AGL: variants seen among roughly 807,000 people sequenced by gnomAD.
AGL encodes the protein glycogen debranching enzyme.
AGL carries 128 observed loss-of-function variants against 199.3 expected under a neutral mutation model. The ratio of observed to expected loss-of-function variants is 0.64; its 90% CI spans 0.56 to 0.74. AGL has a LOEUF of 0.74. Among genes scored for constraint, AGL ranks in the 30% least tolerant of loss-of-function variants. AGL has a pLI of 0.00. For missense variants in AGL, 1,809 were observed against 1,820.8 expected, an observed-to-expected ratio of 0.99 and a Z score of 0.12; for synonymous variants, 584 against 594.7, an observed-to-expected ratio of 0.98 and a Z score of 0.26.
intron 7 of AGL, 178 bp from the exon 8 acceptor site, chr1:99,874,499 GCGTGCACGCA>G (rs200001489): frequency 4.1e-4 from 243 of 586,030 alleles, no homozygotes; most frequent in Admixed American, 2.1e-3. Flanking sequence ...GTGTGTTTGC[GCGTGCACGCA>G]CGTGCACACA....
chr1:99,861,259 TC>T, intron 2 of AGL: 1 of 1,356,932 alleles, frequency 7.4e-7, no homozygotes, highest in Non-Finnish European at 9.5e-7. Context: ...GGAATGCGTT[TC>T]CAGGGGAAGG....
At chr1:99,892,205 C>G (rs1343230279) in intron 23 of AGL, among the ~76,000 whole-genome samples, 1 of 152,140 alleles carries the variant, frequency 6.6e-6, no homozygotes, top group African/African-American at 2.4e-5. Flanking sequence ...AACAAACTTT[C>G]ATTTCTACCA....
At chr1:99,851,772 A>C (rs1648969110) in intron 2 of AGL, among the ~76,000 whole-genome samples, 1 of 152,226 alleles carries the variant, frequency 6.6e-6, no homozygotes, top group Non-Finnish European at 1.5e-5. Context: ...TAATTTTTCA[A>C]CATTGAAGAA....
At chr1:99,921,387 G>A in intron 33 of AGL, 147 bp from the exon 34 acceptor site, 1 of 659,744 alleles carries the variant, frequency 1.5e-6, no homozygotes, top group Non-Finnish European at 2.7e-6. Context: ...AAATTCATTT[G>A]TATGTCTTTA....
chr1:99,901,578 G>A (rs1023326691), intron 26 of AGL, among the ~76,000 whole-genome samples: 3 of 152,168 alleles, frequency 2.0e-5, no homozygotes, highest in African/African-American at 7.2e-5. Context: ...ATTATGGAAA[G>A]GGTGAGCCAG....
intron 2 of AGL, among the ~76,000 whole-genome samples, chr1:99,853,204 T>G (rs1649123636): frequency 6.6e-6 from 1 of 152,222 alleles, no homozygotes; most frequent in Admixed American, 6.5e-5. Context: ...TACCTCTGTC[T>G]GACTTCTAAG....
chr1:99,886,027 A>C (rs1652423589), intron 20 of AGL, among the ~76,000 whole-genome samples: 1 of 152,188 alleles, frequency 6.6e-6, no homozygotes. Context: ...TTTTCTCCAG[A>C]AAGATTATAA....
rs537414593 is a variant in AGL, at chr1:99,888,502, A to G, written c.2812+394A>G. Among the ~76,000 whole-genome samples, 9 of 152,300 alleles carry G rather than the reference A, an allele frequency of 5.9e-5. No individual in the cohort carries two copies. The East Asian group carries it at 1.7e-3, about 29-fold the overall frequency. ...AATGTTTCTTGACCTGGTTTATTATATAATAAACAGAATATTCTTGTTTGG... is the reference window on the plus strand; with the variant it reads ...AATGTTTCTTGACCTGGTTTATTATGTAATAAACAGAATATTCTTGTTTGG... On this transcript the variant is annotated intron_variant, in intron 21 of 33. Transcript: ENST00000361915.
At position 99,900,629 on chromosome 1, in the gene AGL, G is replaced by A; in HGVS notation, c.3363-7G>A. On this transcript the variant is annotated splice_polypyrimidine_tract_variant and splice_region_variant and intron_variant, in intron 25 of 33. Coordinates refer to ENST00000361915, the MANE Select transcript of AGL (RefSeq NM_000642.3). ...CATTTCTGATCCACTTAATTCTGTTGTTTTAGGAATATTATTTTAGCATTT... is the reference window on the plus strand; with the variant it reads ...CATTTCTGATCCACTTAATTCTGTTATTTTAGGAATATTATTTTAGCATTT... 2.5e-6 allele frequency: 4 copies of A among 1,610,792 alleles called. No homozygotes were observed. The highest frequency in any genetic ancestry group is 3.4e-6 in the Non-Finnish European group (4 of 1,177,002).
chr1:99,873,462 T>G (rs982397612), intron 7 of AGL, among the ~76,000 whole-genome samples: 5 of 151,342 alleles, frequency 3.3e-5, no homozygotes, highest in Non-Finnish European at 5.9e-5. Context: ...GAGACAGAGT[T>G]TCACTCTTGT....
chr1:99,885,793 C>G (rs1226909936), intron 20 of AGL, among the ~76,000 whole-genome samples: 1 of 152,104 alleles, frequency 6.6e-6, no homozygotes, highest in Non-Finnish European at 1.5e-5. Context: ...CCACTGATTC[C>G]ACATTATGGT....
intron 7 of AGL, among the ~76,000 whole-genome samples, chr1:99,873,152 T>C (rs1280507681): frequency 6.6e-6 from 1 of 152,146 alleles, no homozygotes; most frequent in Non-Finnish European, 1.5e-5. Flanking sequence ...TTTTTACATT[T>C]GAATATTTAA....
rs1227779911 is a variant in AGL at position 99,870,881 on chromosome 1, A to G, written c.958+12A>G. ...ACTTCTTACACAAGGTAAAGGATAC[A>G]TACTAGAATGTTCCTATCGATTTTA... On this transcript the variant is annotated intron_variant, in intron 7 of 33. Coordinates refer to ENST00000361915, the MANE Select transcript of AGL (RefSeq NM_000642.3). The G allele has an allele frequency of 1.4e-6, 2 of 1,454,380 alleles. No individual in the cohort carries two copies. Among genetic ancestry groups the G allele is most frequent in the Non-Finnish European group, 1.9e-6 (2 of 1,035,750 alleles). 90.1% of individuals were successfully genotyped at this position (1,454,380 alleles called of 1,614,324 possible).
At chr1:99,912,267 A>G in intron 28 of AGL, 138 bp from the exon 29 acceptor site, 1 of 684,100 alleles carries the variant, frequency 1.5e-6, no homozygotes, top group East Asian at 2.7e-5. Flanking sequence ...GATATAGTAC[A>G]CATTCCTATA....
Position 99,880,724 on chromosome 1 carries a change from A to C in AGL, c.1828A>C (p.Arg610=). The C allele has an allele frequency of 6.2e-7, 1 of 1,614,052 alleles. No individual in the cohort carries two copies. The highest frequency in any genetic ancestry group is 1.1e-5 in the South Asian group (1 of 91,078). Residue 610 remains arginine (R), a synonymous_variant, in exon 14 of 34, where the codon AGG becomes CGG. Coordinates refer to ENST00000361915, the MANE Select transcript of AGL (RefSeq NM_000642.3). ...TGGATCCTTTGTTCAGCCCTGTTTG[A>C]GGCCTTTAATGCCAGCTATTGCACA... The part of the protein sequence containing the change: ...PVGSFVQPCL[R]PLMPAIAHAL...
At chr1:99,902,096 C>T (rs530903490) in intron 26 of AGL, among the ~76,000 whole-genome samples, 2 of 152,050 alleles carry the variant, frequency 1.3e-5, no homozygotes, top group Admixed American at 1.3e-4. Flanking sequence ...TGTAAGGACT[C>T]TAAACATTTT....
Position 99,876,563 on chromosome 1 carries a change from G to A in AGL, c.1389G>A (p.Met463Ile), listed in dbSNP as rs749084039. 12 of 1,613,886 alleles carry A rather than the reference G, an allele frequency of 7.4e-6. No homozygotes were observed. In the South Asian group the frequency reaches 1.2e-4, roughly 16 times the overall value. Residue 463 changes from methionine to isoleucine, a missense_variant, in exon 11 of 34, where the codon ATG (methionine) becomes ATA (isoleucine). Physicochemically the swap from Met to Ile is conservative, Grantham distance 10. Transcript: ENST00000361915. ...TGATGGCACACAATGGATGGGTAAT[G>A]GGAGATGATCCTCTTCGAAACTTTG... ...CFLMAHNGWVMGDDPLRNFAE... is the reference protein window; with the variant it reads ...CFLMAHNGWVIGDDPLRNFAE...
At chr1:99,898,208 G>A (rs529380637) in intron 25 of AGL, among the ~76,000 whole-genome samples, 10 of 151,976 alleles carry the variant, frequency 6.6e-5, no homozygotes, top group South Asian at 4.2e-4. Flanking sequence ...CACCACACCC[G>A]GCTAATTTTT....
chr1:99,872,479 A>C (rs1651101653), intron 7 of AGL, among the ~76,000 whole-genome samples: 1 of 152,150 alleles, frequency 6.6e-6, no homozygotes. Context: ...AGATATCATT[A>C]ACCTTTATCA....
Sources: gnomAD v4.1 joint callset for allele counts (sites outside exome capture counted in the v4.1 genomes callset) on GRCh38, gnomAD v4.1.1 for gene constraint, MANE v1.5 for transcripts, NCBI Gene and HGNC (gene_info 2026-07-23, HGNC 2026-07-21) for gene names.